MARK3: variants seen among roughly 807,000 people sequenced by gnomAD.
MARK3 encodes the protein MAP/microtubule affinity-regulating kinase 3.
Under a neutral mutation model 90.1 loss-of-function variants are expected in MARK3, and 46 were observed. That is an observed-to-expected ratio of 0.51 (90% CI 0.40 to 0.65). The LOEUF (loss-of-function observed/expected upper bound fraction) is 0.65, where lower values mean the gene tolerates loss of function less well. Among genes scored for constraint, MARK3 ranks in the 30% least tolerant of loss-of-function variants. The probability of loss-of-function intolerance (pLI) is 0.00; values close to 1 mark genes in which losing one functional copy is unlikely to be tolerated. For missense variants in MARK3, 818 were observed against 947.2 expected, an observed-to-expected ratio of 0.86 and a Z score of 1.79; for synonymous variants, 321 against 332.6, an observed-to-expected ratio of 0.97 and a Z score of 0.38.
At position 103,452,445 on chromosome 14, in the gene MARK3, T is replaced by C. The variant is rs891122002; in HGVS notation, c.412+462T>C. ...GAATTTGACTACTCTTGGAACCTCA[T>C]ACAAGTGGAATTTTACAGGATTTGT... On this transcript the variant is annotated intron_variant, in intron 5 of 17. Transcript: ENST00000429436. Among the ~76,000 whole-genome samples, 3 of 150,124 alleles carry C rather than the reference T, an allele frequency of 2.0e-5. No individual in the cohort carries two copies. In the Admixed American group the frequency reaches 2.0e-4, roughly 10 times the overall value.
At chr14:103,432,846 A>G (rs1165066421) in intron 3 of MARK3, among the ~76,000 whole-genome samples, 1 of 152,044 alleles carries the variant, frequency 6.6e-6, no homozygotes, top group Admixed American at 6.6e-5. Flanking sequence ...ACAGAGCAAG[A>G]CCCTGTCTCA....
chr14:103,450,531 C>A (rs1046803577), intron 4 of MARK3, among the ~76,000 whole-genome samples: 1 of 151,948 alleles, frequency 6.6e-6, no homozygotes, highest in South Asian at 2.1e-4. Flanking sequence ...CCCAGAAGAC[C>A]CAAAGTTTCG....
At position 103,472,885 on chromosome 14, in the gene MARK3, A is replaced by C. The variant is rs531418093; in HGVS notation, c.1265-2108A>C. Among the ~76,000 whole-genome samples, 23 of 152,024 alleles carry C rather than the reference A, an allele frequency of 1.5e-4. No homozygotes were observed. The East Asian group carries it at 4.1e-3, about 27-fold the overall frequency. On this transcript the variant is annotated intron_variant, in intron 12 of 17. Coordinates refer to ENST00000429436, the MANE Select transcript of MARK3 (RefSeq NM_001128918.3). ...GCCGGGCATGGTGGCAGGCGCCTGT[A>C]GTCCCAGCTACTTGTGAGGCTGAGG...
intron 1 of MARK3, among the ~76,000 whole-genome samples, chr14:103,395,782 T>G (rs1015990326): frequency 1.3e-5 from 2 of 152,270 alleles, no homozygotes; most frequent in Non-Finnish European, 2.9e-5. Context: ...TTTTGTTTTC[T>G]GTCTTATATA....
chr14:103,455,996 G>T (rs1241596898), intron 5 of MARK3, among the ~76,000 whole-genome samples: 2 of 152,094 alleles, frequency 1.3e-5, no homozygotes, highest in Non-Finnish European at 2.9e-5. Context: ...CTTTTCTATT[G>T]ATTTCAGAGG....
intron 14 of MARK3, chr14:103,489,838 T>C (rs2093987556): frequency 6.6e-6 from 1 of 152,136 alleles, no homozygotes; most frequent in African/African-American, 2.4e-5. Flanking sequence ...CTGGGGGTAG[T>C]TTTGTCCGGT....
chr14:103,396,666 C>G (rs915600716), intron 1 of MARK3, among the ~76,000 whole-genome samples: 1 of 152,010 alleles, frequency 6.6e-6, no homozygotes, highest in Non-Finnish European at 1.5e-5. Flanking sequence ...TAGCGTTTCC[C>G]CTTTTCACCC....
intron 2 of MARK3, among the ~76,000 whole-genome samples, chr14:103,418,681 T>C (rs1472312518): frequency 6.6e-6 from 1 of 152,186 alleles, no homozygotes; most frequent in Admixed American, 6.5e-5. Flanking sequence ...CATAAATGCT[T>C]ATGTTTAGTC....
At chr14:103,502,718 A>ACT (rs2075737017) in intron 17 of MARK3, among the ~76,000 whole-genome samples, 164 bp from the exon 18 acceptor site, 1 of 152,196 alleles carries the variant, frequency 6.6e-6, no homozygotes, top group Non-Finnish European at 1.5e-5. Context: ...GAGGGAAGAA[A>ACT]ATAGACGAAA....
chr14:103,462,363 A>C, intron 6 of MARK3, 42 bp from the exon 7 acceptor site: 1 of 1,432,692 alleles, frequency 7.0e-7, no homozygotes, highest in Non-Finnish European at 9.8e-7. Context: ...TTAATTACGA[A>C]TCTGCACCAG....
At chr14:103,500,028 G>A (rs768682063) in intron 16 of MARK3, 128 bp from the exon 17 acceptor site, 191 of 737,234 alleles carry the variant, frequency 2.6e-4, no homozygotes, top group Admixed American at 3.8e-4. Flanking sequence ...AGCCCGGCTG[G>A]TGTTTAAAAC....
Position 103,503,433 on chromosome 14 carries a change from T to C in MARK3, c.*206T>C. 1 of 568,720 alleles carries C rather than the reference T, an allele frequency of 1.8e-6. No homozygotes were observed. Among genetic ancestry groups the C allele is most frequent in the Middle Eastern group, 4.7e-4 (1 of 2,118 alleles). The allele number at this position is 568,720 out of a possible 1,614,324, so 35.2% of individuals were successfully genotyped here. A position where few individuals can be genotyped will look rare whatever the true frequency, so the allele number is the denominator to read the frequency against. On this transcript the variant is annotated 3_prime_UTR_variant, in exon 18 of 18. Coordinates refer to ENST00000429436, the MANE Select transcript of MARK3 (RefSeq NM_001128918.3). ...AAAGATGTGCAACCTATGCGCCCCC[T>C]GCCCTACTTCCGTTACCCTGAGAGT...
At chr14:103,464,028 C>T (rs1372539290) in intron 7 of MARK3, among the ~76,000 whole-genome samples, 1 of 152,168 alleles carries the variant, frequency 6.6e-6, no homozygotes, top group East Asian at 1.9e-4. Context: ...TCAGATGCAC[C>T]TTCTGGTGCT....
intron 2 of MARK3, among the ~76,000 whole-genome samples, chr14:103,406,605 T>A (rs2091312772): frequency 6.7e-6 from 1 of 150,336 alleles, no homozygotes; most frequent in South Asian, 2.1e-4. Flanking sequence ...TTTGTTTTTG[T>A]TTTTGTTTTT....
chr14:103,486,814 T>C (rs2093937807), intron 14 of MARK3, among the ~76,000 whole-genome samples: 1 of 152,202 alleles, frequency 6.6e-6, no homozygotes, highest in Non-Finnish European at 1.5e-5. Context: ...CGGAAATATT[T>C]TGTTGCTTGC....
rs1240125336 is a variant in MARK3 at position 103,503,760 on chromosome 14, T to C, written c.*533T>C. The C allele has an allele frequency of 6.5e-6, 1 of 153,630 alleles. No individual in the cohort carries two copies. The highest frequency in any genetic ancestry group is 1.5e-5 in the Non-Finnish European group (1 of 68,762). 9.5% of individuals were successfully genotyped at this position (153,630 alleles called of 1,614,324 possible). A position where few individuals can be genotyped will look rare whatever the true frequency, so the allele number is the denominator to read the frequency against. On this transcript the variant is annotated 3_prime_UTR_variant, in exon 18 of 18. Transcript: ENST00000429436. ...TGCAAAAGGTTTAAATTTATAGTTG[T>C]GAACATTGCTTGTGTGTGTTTTTCT...
In MARK3 at chr14:103,480,461, C is replaced by G. The variant is rs759099434; in HGVS notation, c.1557C>G (p.His519Gln). 1.2e-6 allele frequency: 2 copies of G among 1,612,298 alleles called. No homozygotes were observed. Among genetic ancestry groups the G allele is most frequent in the Admixed American group, 1.7e-5 (1 of 59,894 alleles). Residue 519 changes from histidine to glutamine, a missense_variant, in exon 14 of 18, where the codon CAC becomes CAG. Physicochemically the swap from His to Gln is conservative, Grantham distance 24. This residue lies in a region of MARK3 where 560 missense variants were observed against 613.5 expected (regional missense o/e 0.91). Transcript: ENST00000429436. ...VCSERTTADR[H>Q]SVIQNGKENS... ...GTGAGAGAACTACAGCTGATAGACA[C>G]TCAGTGATTCAGAATGGCAAAGAAA...
chr14:103,457,390 G>A (rs1003508086), intron 6 of MARK3, among the ~76,000 whole-genome samples, 178 bp downstream of exon 6: 2 of 152,168 alleles, frequency 1.3e-5, no homozygotes, highest in African/African-American at 2.4e-5. Flanking sequence ...TGTGCTGGAG[G>A]CAGCCATGGT....
intron 5 of MARK3, 146 bp downstream of exon 5, chr14:103,452,129 C>T (rs2093161853): frequency 1.8e-6 from 1 of 557,536 alleles, no homozygotes; most frequent in Non-Finnish European, 3.1e-6. Flanking sequence ...GAAAAGCTGA[C>T]TCTTAGCACT....
Sources: gnomAD v4.1 joint callset for allele counts (sites outside exome capture counted in the v4.1 genomes callset) on GRCh38, gnomAD v4.1.1 for gene constraint, gnomAD v4.1.1 regional missense constraint, MANE v1.5 for transcripts, NCBI Gene and HGNC (gene_info 2026-07-23, HGNC 2026-07-21) for gene names.